ATAD3A: variants seen among roughly 807,000 people sequenced by gnomAD.
ATAD3A encodes the protein ATPase family AAA domain containing 3A, also known as ATPase family AAA domain-containing protein 3A.
ATAD3A carries 46 observed loss-of-function variants against 73.8 expected under a neutral mutation model. The ratio of observed to expected loss-of-function variants is 0.62; its 90% CI spans 0.49 to 0.80. The LOEUF (loss-of-function observed/expected upper bound fraction) is 0.80, where lower values mean the gene tolerates loss of function less well. Ranked by LOEUF, ATAD3A falls within the 30% of genes least tolerant of loss-of-function variation. The pLI, the probability that ATAD3A is intolerant of heterozygous loss-of-function variation, is 0.00. For synonymous variants in ATAD3A, 319 were observed against 350.0 expected (o/e 0.91, Z 0.99); for missense variants, 705 against 838.0 (o/e 0.84, Z 1.96).
At chr1:1,531,562 AG>A (rs1642034811) in intron 15 of ATAD3A, among the ~76,000 whole-genome samples, 1 of 151,376 alleles carries the variant, frequency 6.6e-6, no homozygotes, top group African/African-American at 2.4e-5. Flanking sequence ...TCATGAAGTC[AG>A]GAAATCAAGA....
chr1:1,516,026 G>A lies in ATAD3A; in HGVS notation c.220G>A (p.Ala74Thr), dbSNP rs141392786. ...ELEHSRYAKD[A>T]LNLAQMQEQT... ...TGCGTCTGCAGGTTATGCCAAGGAC[G>A]CCCTGAATCTGGCACAGATGCAGGA... is the stretch of plus-strand genomic sequence containing the variant. The change falls in exon 2 of 16, where the codon GCC (alanine) becomes ACC (threonine). Residue 74 changes from alanine (A) to threonine (T), a missense_variant. By Grantham distance (58) the Ala-to-Thr change is moderately conservative (BLOSUM62 0). Around this residue, in one of 5 missense-constraint regions of ATAD3A, gnomAD observed 125 missense variants for 170.6 expected, o/e 0.73. Coordinates refer to ENST00000378756, the MANE Select transcript of ATAD3A (RefSeq NM_001170535.3). 1.3e-5 allele frequency: 21 copies of A among 1,613,910 alleles called. No homozygotes were observed. The highest frequency in any genetic ancestry group is 3.3e-5 in the South Asian group (3 of 91,078).
In ATAD3A at chr1:1,534,113, AC is replaced by A; in HGVS notation, c.*45del. 1 of 1,612,296 alleles carries A rather than the reference AC, an allele frequency of 6.2e-7. No individual in the cohort carries two copies. Among genetic ancestry groups the A allele is most frequent in the Non-Finnish European group, 8.5e-7 (1 of 1,179,480 alleles). ...CACAGCTCACGGAGCCTGGCCGCGG[AC>A]CCCTCCCACCCCTGCCTTGCCGGCC... On this transcript the variant is annotated 3_prime_UTR_variant, in exon 16 of 16. Transcript: ENST00000378756.
intron 2 of ATAD3A, 164 bp from the exon 3 acceptor site, chr1:1,517,147 G>C: frequency 6.5e-7 from 1 of 1,548,712 alleles, no homozygotes; most frequent in Non-Finnish European, 8.7e-7. Flanking sequence ...GATTCCTCCA[G>C]GGCCTGATCC....
At chr1:1,512,523 G>C (rs1433013672) in intron 1 of ATAD3A, 50 bp downstream of exon 1, 1 of 1,293,058 alleles carries the variant, frequency 7.7e-7, no homozygotes, top group African/African-American at 1.6e-5. Flanking sequence ...GGACGGGCCG[G>C]GGAAGCGGGA....
rs1311932985 is a variant in ATAD3A, at chr1:1,530,604, C to T, written c.1614+1273C>T. Among the ~76,000 whole-genome samples, 10 of 112,434 alleles carry T rather than the reference C, an allele frequency of 8.9e-5. 1 individual carries two copies. The highest frequency in any genetic ancestry group is 1.4e-4 in the African/African-American group (2 of 14,226). The allele number at this position is 112,434 out of a possible 152,430, so 73.8% of individuals were successfully genotyped here. The stretch of plus-strand genomic sequence containing the variant: ...CAGCACTTTGGGAGGCCGAGGCGGG[C>T]GGATCACGAGGTCAGGAGATCGAGA... On this transcript the variant is annotated intron_variant, in intron 15 of 15. Transcript: ENST00000378756.
intron 4 of ATAD3A, 94 bp from the exon 5 acceptor site, chr1:1,518,827 C>A: frequency 5.0e-6 from 8 of 1,605,454 alleles, no homozygotes; most frequent in Non-Finnish European, 6.8e-6. Context: ...GGCACACTCA[C>A]CCCCCTGCAC....
chr1:1,518,806 C>G, intron 4 of ATAD3A, 115 bp from the exon 5 acceptor site: 1 of 1,593,152 alleles, frequency 6.3e-7, no homozygotes, highest in Middle Eastern at 1.7e-4. Flanking sequence ...CACCGTCACA[C>G]CCCGCAAACG....
intron 7 of ATAD3A, 81 bp from the exon 8 acceptor site, chr1:1,522,663 T>G (rs1641642036): frequency 1.9e-6 from 3 of 1,581,466 alleles, no homozygotes; most frequent in Non-Finnish European, 8.6e-7. Flanking sequence ...GGAGAGAGGG[T>G]GGGGGCAGCC....
intron 7 of ATAD3A, among the ~76,000 whole-genome samples, chr1:1,522,004 C>T (rs1488366341): frequency 6.6e-6 from 1 of 152,196 alleles, no homozygotes; most frequent in Non-Finnish European, 1.5e-5. Context: ...GCTGGGATTA[C>T]ACGGGTGAGC....
At chr1:1,516,934 A>T (rs1641377590) in intron 2 of ATAD3A, 2 of 655,812 alleles carry the variant, frequency 3.0e-6, no homozygotes, top group African/African-American at 3.7e-5. Context: ...CTGGTCTCGA[A>T]CTACTAACCT....
At chr1:1,521,704 G>A (rs763519418) in intron 7 of ATAD3A, among the ~76,000 whole-genome samples, 1 of 152,218 alleles carries the variant, frequency 6.6e-6, no homozygotes, top group Non-Finnish European at 1.5e-5. Flanking sequence ...GATGACTTTT[G>A]TTTGTTTGTT....
Position 1,523,564 on chromosome 1 carries a change from C to T in ATAD3A, c.960C>T (p.Leu320=), listed in dbSNP as rs112145664. The T allele has an allele frequency of 4.4e-3, 7,052 of 1,612,822 alleles. 255 individuals carry two copies. The African/African-American group carries it at 0.08, about 18-fold the overall frequency. Residue 320 remains leucine, a synonymous_variant, in exon 9 of 16, where the codon CTC becomes CTT. Coordinates refer to ENST00000378756, the MANE Select transcript of ATAD3A (RefSeq NM_001170535.3). This position sits in a 1 kb window ranked among gnomAD's most constrained non-coding sequence, Gnocchi z 5.1. The part of the protein sequence containing the change: ...RPQDALEGVV[L]SPSLEARVRD... The stretch of plus-strand genomic sequence containing the variant: ...AGGACGCGCTGGAGGGTGTTGTGCT[C>T]AGTGTAAGTCGGTGTGCCTGGGACC...
chr1:1,516,159 A>C (rs1175851325), intron 2 of ATAD3A, 71 bp downstream of exon 2: 1 of 1,603,602 alleles, frequency 6.2e-7, no homozygotes, highest in East Asian at 2.2e-5. Flanking sequence ...TGGTAGGGCT[A>C]CTGCCGGTGG....
chr1:1,526,860 C>G (rs932286502), intron 13 of ATAD3A, among the ~76,000 whole-genome samples: 54 of 152,176 alleles, frequency 3.5e-4, no homozygotes, highest in African/African-American at 1.2e-3. Context: ...GTGTGAGGCT[C>G]TGCTGGGTCT....
At position 1,520,219 on chromosome 1, in the gene ATAD3A, A is replaced by G; in HGVS notation, c.593A>G (p.Lys198Arg). The G allele has an allele frequency of 1.2e-6, 2 of 1,612,352 alleles. No homozygotes were observed. Among genetic ancestry groups the G allele is most frequent in the Non-Finnish European group, 1.7e-6 (2 of 1,179,720 alleles). ...RVEAEARARA[K>R]AERENADIIR... ...GAGGCCGAGGCCCGGGCGCGCGCCA[A>G]GGCCGAGCGGGAGAATGCAGACATC... The change falls in exon 6 of 16, where the codon AAG (lysine) becomes AGG (arginine). Residue 198 changes from lysine (K) to arginine (R), a missense_variant. Coordinates refer to ENST00000378756, the MANE Select transcript of ATAD3A (RefSeq NM_001170535.3). The surrounding 1 kb of genome is among the most constrained non-coding windows in gnomAD (Gnocchi z 4.0).
rs777042973 is a variant in ATAD3A, at chr1:1,523,814, T to C, written c.964-25T>C. 28 of 1,613,392 alleles carry C rather than the reference T, an allele frequency of 1.7e-5. No individual in the cohort carries two copies. The highest frequency in any genetic ancestry group is 2.2e-5 in the East Asian group (1 of 44,844). The stretch of plus-strand genomic sequence containing the variant: ...GCTTCCATGGGTGCACAGTGTCTCC[T>C]CCAAACCCCCGTCTTCCCCGGCAGC... On this transcript the variant is annotated intron_variant, in intron 9 of 15. Coordinates refer to ENST00000378756, the MANE Select transcript of ATAD3A (RefSeq NM_001170535.3). The surrounding 1 kb of genome is among the most constrained non-coding windows in gnomAD (Gnocchi z 5.1).
At chr1:1,518,020 A>C (rs1488042909) in intron 4 of ATAD3A, among the ~76,000 whole-genome samples, 1 of 151,840 alleles carries the variant, frequency 6.6e-6, no homozygotes, top group African/African-American at 2.4e-5. Flanking sequence ...CTCCTCGCAC[A>C]CACACTCCCA....
In ATAD3A at chr1:1,520,163, G is replaced by T; in HGVS notation, c.537G>T (p.Glu179Asp). Residue 179 changes from glutamate to aspartate, a missense_variant, in exon 6 of 16, where the codon GAG becomes GAT. This residue lies in a region of ATAD3A where 315 missense variants were observed against 334.1 expected (regional missense o/e 0.94). Coordinates refer to ENST00000378756, the MANE Select transcript of ATAD3A (RefSeq NM_001170535.3). The surrounding 1 kb of genome is among the most constrained non-coding windows in gnomAD (Gnocchi z 4.0). ...MRRATVEREM[E>D]LRHKNEMLRV... ...CAGCCACCGTGGAGCGGGAGATGGA[G>T]CTGCGGCACAAGAATGAGATGCTGC... 2 of 1,611,432 alleles carry T rather than the reference G, an allele frequency of 1.2e-6. No homozygotes were observed. Among genetic ancestry groups the T allele is most frequent in the East Asian group, 2.2e-5 (1 of 44,868 alleles).
intron 15 of ATAD3A, among the ~76,000 whole-genome samples, chr1:1,531,791 T>A (rs1393961859): frequency 6.7e-6 from 1 of 149,366 alleles, no homozygotes; most frequent in Non-Finnish European, 1.5e-5. Flanking sequence ...AATAAAAAAA[T>A]AAAAAATAAA....
Sources: allele counts gnomAD v4.1 joint callset (sites outside exome capture counted in the v4.1 genomes callset), GRCh38; gene constraint gnomAD v4.1.1; regional missense constraint gnomAD v4.1.1; non-coding constraint Gnocchi (gnomAD v3.1); transcripts MANE v1.5; gene names NCBI Gene and HGNC (gene_info 2026-07-23, HGNC 2026-07-21).